CTSA: variants seen among roughly 807,000 people sequenced by gnomAD.
The protein encoded by CTSA is lysosomal protective protein.
In CTSA, 42 loss-of-function variants were observed where a neutral mutation model predicts 66.7. The observed-to-expected ratio is 0.63, with a 90% CI of 0.49 to 0.81. The LOEUF (loss-of-function observed/expected upper bound fraction) is 0.81, where lower values mean the gene tolerates loss of function less well. Among genes scored for constraint, CTSA ranks in the 40% least tolerant of loss-of-function variants. CTSA has a pLI of 0.00. For missense variants in CTSA, 525 were observed against 610.9 expected, an observed-to-expected ratio of 0.86 and a Z score of 1.48; for synonymous variants, 225 against 248.6, an observed-to-expected ratio of 0.91 and a Z score of 0.89.
At position 45,892,035 on chromosome 20, in the gene CTSA, G is replaced by T; in HGVS notation, c.306+8G>T. 6.2e-7 allele frequency: 1 copy of T among 1,604,320 alleles called. No homozygotes were observed. The highest frequency in any genetic ancestry group is 1.1e-5 in the South Asian group (1 of 90,900). On this transcript the variant is annotated splice_region_variant and intron_variant, in intron 3 of 14. Coordinates refer to ENST00000646241, the MANE Select transcript of CTSA (RefSeq NM_000308.4). Reference sequence around the variant, plus strand: ...GAGCATGGCCCCTTCCTGGTGAGTGGACAGCAGGGGGAAAGCACAGTTCCC... The same window carrying T: ...GAGCATGGCCCCTTCCTGGTGAGTGTACAGCAGGGGGAAAGCACAGTTCCC...
In CTSA at chr20:45,892,845, GTGC is replaced by G; in HGVS notation, c.568_570del (p.Leu190del). On this transcript the variant is annotated inframe_deletion, in exon 6 of 15. Coordinates refer to ENST00000646241, the MANE Select transcript of CTSA (RefSeq NM_000308.4). ...TGGCATCTACATCCCCACCCTGGCC[GTGC>G]TGGTCATGCAGGATCCCAGCATGAA... 1.2e-6 allele frequency: 2 copies of G among 1,614,108 alleles called. No homozygotes were observed. Among genetic ancestry groups the G allele is most frequent in the Non-Finnish European group, 1.7e-6 (2 of 1,180,014 alleles).
At position 45,891,447 on chromosome 20, in the gene CTSA, C is replaced by A; in HGVS notation, c.-1+68C>A. 6.5e-7 allele frequency: 1 copy of A among 1,546,282 alleles called. No individual in the cohort carries two copies. Among genetic ancestry groups the A allele is most frequent in the Non-Finnish European group, 8.7e-7 (1 of 1,145,228 alleles). On this transcript the variant is annotated intron_variant, in intron 1 of 14. Transcript: ENST00000646241. This position sits in a 1 kb window ranked among gnomAD's most constrained non-coding sequence, Gnocchi z 4.6. ...ATCGGTGCGCGGCAGAGGAGGCTCG[C>A]GGGTGGGAGCTGGCGCTGGGGCCGG...
chr20:45,896,764 G>A (rs563006846), intron 11 of CTSA: 1 of 625,316 alleles, frequency 1.6e-6, no homozygotes, highest in Non-Finnish European at 2.9e-6. Context: ...ATGGTGGTGA[G>A]TTGAGGCTGT....
chr20:45,893,334 A>G (rs374491759), intron 7 of CTSA, 23 bp downstream of exon 7: 14 of 1,565,058 alleles, frequency 8.9e-6, no homozygotes, highest in Non-Finnish European at 1.1e-5. Flanking sequence ...GCAGTTGGGC[A>G]ATCTCTGGGG....
At position 45,894,410 on chromosome 20, in the gene CTSA, G is replaced by T. The variant is rs1987128509; in HGVS notation, c.778-240G>T. 74 of 616,856 alleles carry T rather than the reference G, an allele frequency of 1.2e-4. 2 individuals are homozygous for T. In the South Asian group the frequency reaches 1.4e-3, roughly 12 times the overall value. The allele number at this position is 616,856 out of a possible 1,614,324, so 38.2% of individuals were successfully genotyped here. A position where few individuals can be genotyped will look rare whatever the true frequency, so the allele number is the denominator to read the frequency against. ...CATACTACCCACATTTTCCAGATAA[G>T]GAAACTGAGGGCTATGAATTTTGAA... On this transcript the variant is annotated intron_variant, in intron 8 of 14. Transcript: ENST00000646241.
chr20:45,892,850 G>T lies in CTSA; in HGVS notation c.570G>T (p.Leu190=). The change falls in exon 6 of 15, where the codon CTG becomes CTT. Residue 190 remains leucine, a synonymous_variant. Transcript: ENST00000646241. ...TCTACATCCCCACCCTGGCCGTGCT[G>T]GTCATGCAGGATCCCAGCATGAACC... ...AGIYIPTLAV[L]VMQDPSMNLQ... is the part of the protein sequence containing the mutation. 5 of 1,614,154 alleles carry T rather than the reference G, an allele frequency of 3.1e-6. No homozygotes were observed. Among genetic ancestry groups the T allele is most frequent in the Non-Finnish European group, 3.4e-6 (4 of 1,180,030 alleles).
rs1986910166 is a variant in CTSA at position 45,891,530 on chromosome 20, TGAG to T, written c.1-35_1-33del. ...CCCGGGGGCTGCTGCACGGAAGCGC[TGAG>T]GAGCGAGTCAACAGCCCCTCTGCTG... On this transcript the variant is annotated intron_variant, in intron 1 of 14. Coordinates refer to ENST00000646241, the MANE Select transcript of CTSA (RefSeq NM_000308.4). This position sits in a 1 kb window ranked among gnomAD's most constrained non-coding sequence, Gnocchi z 4.6. The T allele has an allele frequency of 6.3e-7, 1 of 1,576,696 alleles. No homozygotes were observed. Among genetic ancestry groups the T allele is most frequent in the Non-Finnish European group, 8.6e-7 (1 of 1,164,914 alleles).
Position 45,898,328 on chromosome 20 carries a change from G to A in CTSA, c.1360-39G>A. The A allele has an allele frequency of 6.4e-7, 1 of 1,561,216 alleles. No homozygotes were observed. The highest frequency in any genetic ancestry group is 8.8e-7 in the Non-Finnish European group (1 of 1,135,054). The stretch of plus-strand genomic sequence containing the variant: ...AGTGAGCAGTTATATGGGGAGGAGG[G>A]AATGGTGGGGTCAGGAGCTCACGAA... On this transcript the variant is annotated intron_variant, in intron 14 of 14. Coordinates refer to ENST00000646241, the MANE Select transcript of CTSA (RefSeq NM_000308.4). The surrounding 1 kb of genome is among the most constrained non-coding windows in gnomAD (Gnocchi z 4.6).
chr20:45,891,550 C>A lies in CTSA; in HGVS notation c.1-19C>A. On this transcript the variant is annotated intron_variant, in intron 1 of 14. Transcript: ENST00000646241. The surrounding 1 kb of genome is among the most constrained non-coding windows in gnomAD (Gnocchi z 4.6). ...AGCGCTGAGGAGCGAGTCAACAGCC[C>A]CTCTGCTGCCTCCCGTAGATGATCC... 1 of 1,595,984 alleles carries A rather than the reference C, an allele frequency of 6.3e-7. No individual in the cohort carries two copies.
In CTSA at chr20:45,898,272, T is replaced by C. The variant is rs1443149185; in HGVS notation, c.1360-95T>C. The C allele has an allele frequency of 4.4e-6, 6 of 1,358,166 alleles. No individual in the cohort carries two copies. The Admixed American group carries it at 1.2e-4, about 26-fold the overall frequency. 84.1% of individuals were successfully genotyped at this position (1,358,166 alleles called of 1,614,324 possible). Reference sequence around the variant, plus strand: ...GGGGTGGGGAGGGTTCTGGGAAGAATAAAGGGTTTGGGATGAAGGAATTGC... The same window carrying C: ...GGGGTGGGGAGGGTTCTGGGAAGAACAAAGGGTTTGGGATGAAGGAATTGC... On this transcript the variant is annotated intron_variant, in intron 14 of 14. Transcript: ENST00000646241. This position sits in a 1 kb window ranked among gnomAD's most constrained non-coding sequence, Gnocchi z 4.6.
Position 45,891,474 on chromosome 20 carries a change from GC to G in CTSA, c.1-94del. On this transcript the variant is annotated intron_variant, in intron 1 of 14. Coordinates refer to ENST00000646241, the MANE Select transcript of CTSA (RefSeq NM_000308.4). This position sits in a 1 kb window ranked among gnomAD's most constrained non-coding sequence, Gnocchi z 4.6. ...GGTGGGAGCTGGCGCTGGGGCCGGGGCTTCCCTCGCGGAGGCGCCGCCAGCA... is the reference window on the plus strand; with the variant it reads ...GGTGGGAGCTGGCGCTGGGGCCGGGGTTCCCTCGCGGAGGCGCCGCCAGCA... 2 of 1,546,906 alleles carry G rather than the reference GC, an allele frequency of 1.3e-6. No individual in the cohort carries two copies. The highest frequency in any genetic ancestry group is 1.7e-6 in the Non-Finnish European group (2 of 1,146,104).
intron 11 of CTSA, 137 bp downstream of exon 11, chr20:45,895,270 A>G (rs2145820012): frequency 1.0e-6 from 1 of 978,690 alleles, no homozygotes. Context: ...TCCATCCCTG[A>G]CCCCTCAGTG....
rs762546792 is a variant in CTSA, at chr20:45,895,036, T to A, written c.991T>A (p.Cys331Ser). The A allele has an allele frequency of 6.2e-7, 1 of 1,614,124 alleles. No individual in the cohort carries two copies. Among genetic ancestry groups the A allele is most frequent in the South Asian group, 1.1e-5 (1 of 91,086 alleles). The part of the protein sequence containing the change: ...SGDKVRMDPP[C>S]TNTTAASTYL... Reference sequence around the variant, plus strand: ...GGATAAAGTGCGCATGGACCCCCCCTGCACCAACACAACAGCTGCTTCCAC... The same window carrying A: ...GGATAAAGTGCGCATGGACCCCCCCAGCACCAACACAACAGCTGCTTCCAC... The change falls in exon 11 of 15, where the codon TGC becomes AGC. Residue 331 changes from cysteine to serine, a missense_variant. Physicochemically the swap from Cys to Ser is moderately radical, Grantham distance 112 (BLOSUM62 -1). This residue lies in a region of CTSA where 274 missense variants were observed against 321.1 expected (regional missense o/e 0.85). Transcript: ENST00000646241.
In CTSA at chr20:45,898,541, G is replaced by A; in HGVS notation, c.*91G>A. ...TCTTCTAAGCAAAGTGCCCCTGCAG[G>A]CCGGGTTCTGCCGCCAGGACTGCCC... On this transcript the variant is annotated 3_prime_UTR_variant, in exon 15 of 15. Transcript: ENST00000646241. The surrounding 1 kb of genome is among the most constrained non-coding windows in gnomAD (Gnocchi z 4.6). The A allele has an allele frequency of 8.1e-7, 1 of 1,231,604 alleles. No individual in the cohort carries two copies. Among genetic ancestry groups the A allele is most frequent in the Non-Finnish European group, 1.2e-6 (1 of 860,550 alleles). 76.3% of individuals were successfully genotyped at this position (1,231,604 alleles called of 1,614,324 possible).
chr20:45,893,076 C>A, intron 6 of CTSA, 144 bp from the exon 7 acceptor site: 1 of 920,396 alleles, frequency 1.1e-6, no homozygotes, highest in Non-Finnish European at 1.7e-6. Context: ...CTGTGTTTTG[C>A]ATTGAGTGGC....
chr20:45,893,763 G>A (rs533740688), intron 7 of CTSA, among the ~76,000 whole-genome samples: 45 of 152,194 alleles, frequency 3.0e-4, no homozygotes, highest in Admixed American at 2.4e-3. Flanking sequence ...GAGCTACAGC[G>A]CCCAGCCAGA....
At position 45,898,766 on chromosome 20, in the gene CTSA, G is replaced by A; in HGVS notation, c.*316G>A. On this transcript the variant is annotated 3_prime_UTR_variant, in exon 15 of 15. Coordinates refer to ENST00000646241, the MANE Select transcript of CTSA (RefSeq NM_000308.4). The surrounding 1 kb of genome is among the most constrained non-coding windows in gnomAD (Gnocchi z 4.6). ...TCAGGACAGCCCACAGGGAGGTGGT[G>A]GACGGACTGTAATTGATAGATTGAT... 1.3e-6 allele frequency: 1 copy of A among 782,642 alleles called. No individual in the cohort carries two copies. The highest frequency in any genetic ancestry group is 2.0e-6 in the Non-Finnish European group (1 of 494,414). The allele number at this position is 782,642 out of a possible 1,614,324, so 48.5% of individuals were successfully genotyped here. A position where few individuals can be genotyped will look rare whatever the true frequency, so the allele number is the denominator to read the frequency against.
intron 8 of CTSA, 172 bp downstream of exon 8, chr20:45,894,244 T>C: frequency 1.5e-6 from 1 of 683,178 alleles, no homozygotes. Context: ...CACCACCACC[T>C]CCTATGGTGG....
Position 45,891,694 on chromosome 20 carries a change from C to A in CTSA, c.126C>A (p.Ala42=). 6.2e-7 allele frequency: 1 copy of A among 1,613,304 alleles called. No individual in the cohort carries two copies. Among genetic ancestry groups the A allele is most frequent in the Non-Finnish European group, 8.5e-7 (1 of 1,180,036 alleles). The change falls in exon 2 of 15, where the codon GCC becomes GCA. Residue 42 remains alanine (A), a synonymous_variant. Coordinates refer to ENST00000646241, the MANE Select transcript of CTSA (RefSeq NM_000308.4). This position sits in a 1 kb window ranked among gnomAD's most constrained non-coding sequence, Gnocchi z 4.6. ...QDEIQRLPGL[A]KQPSFRQYSG... ...AGATCCAGCGCCTCCCCGGGCTGGC[C>A]AAGCAGCCGTCTTTCCGCCAGTACT...
Sources: allele counts gnomAD v4.1 joint callset (sites outside exome capture counted in the v4.1 genomes callset), GRCh38; gene constraint gnomAD v4.1.1; regional missense constraint gnomAD v4.1.1; non-coding constraint Gnocchi (gnomAD v3.1); transcripts MANE v1.5; gene names NCBI Gene and HGNC (gene_info 2026-07-23, HGNC 2026-07-21).